Variants in AK9 observed in about 807,000 individuals in gnomAD.
The protein encoded by AK9 is adenylate kinase domain containing 1.
Under a neutral mutation model 239.6 loss-of-function variants are expected in AK9, and 191 were observed. The observed-to-expected ratio is 0.80, with a 90% CI of 0.71 to 0.90. The LOEUF (loss-of-function observed/expected upper bound fraction) is 0.90. Among genes scored for constraint, AK9 ranks in the 40% least tolerant of loss-of-function variants. AK9 has a pLI of 0.00. For synonymous variants in AK9, 689 were observed against 721.0 expected (o/e 0.96, Z 0.71); for missense variants, 1,995 against 2,214.7 (o/e 0.90, Z 1.99).
At chr6:109,571,927 A>G (rs1562429153) in intron 21 of AK9, among the ~76,000 whole-genome samples, 2 of 152,194 alleles carry the variant, frequency 1.3e-5, no homozygotes, top group Admixed American at 6.5e-5. Flanking sequence ...AGTATGTATA[A>G]GAATCACTGG....
At chr6:109,683,567 C>T (rs182364299) in intron 1 of AK9, among the ~76,000 whole-genome samples, 4 of 152,234 alleles carry the variant, frequency 2.6e-5, no homozygotes, top group Admixed American at 6.5e-5. Flanking sequence ...GATACAAAAT[C>T]GATGTGCAAA....
chr6:109,594,722 C>A (rs1790779902), intron 17 of AK9, among the ~76,000 whole-genome samples: 1 of 152,156 alleles, frequency 6.6e-6, no homozygotes, highest in African/African-American at 2.4e-5. Flanking sequence ...CTACAACCAA[C>A]TGATCTTTGA....
chr6:109,519,440 T>A (rs540618862), intron 29 of AK9, among the ~76,000 whole-genome samples: 1 of 152,242 alleles, frequency 6.6e-6, no homozygotes, highest in East Asian at 1.9e-4. Flanking sequence ...CTCAAGAGTG[T>A]ATAAGTATTC....
intron 5 of AK9, among the ~76,000 whole-genome samples, chr6:109,669,584 GT>G (rs1183483144): frequency 6.6e-6 from 1 of 152,128 alleles, no homozygotes; most frequent in Non-Finnish European, 1.5e-5. Context: ...TTTATTGAGA[GT>G]TTTTAGCATG....
chr6:109,572,211 A>T (rs1415003043), intron 21 of AK9, among the ~76,000 whole-genome samples: 1 of 152,210 alleles, frequency 6.6e-6, no homozygotes, highest in Non-Finnish European at 1.5e-5. Context: ...GTGGAAAGGC[A>T]GTATGGTAGA....
intron 10 of AK9, among the ~76,000 whole-genome samples, chr6:109,640,463 G>T (rs537296601): frequency 6.6e-6 from 1 of 152,242 alleles, no homozygotes; most frequent in East Asian, 1.9e-4. Context: ...GTCCCAATGA[G>T]ATGAACCAGG....
intron 23 of AK9, 129 bp downstream of exon 23, chr6:109,563,950 AT>A: frequency 9.2e-7 from 1 of 1,089,570 alleles, no homozygotes; most frequent in South Asian, 1.7e-5. Context: ...GTTGCTAAGT[AT>A]TTTATACATC....
chr6:109,681,612 G>C (rs2128352992), intron 1 of AK9, among the ~76,000 whole-genome samples: 1 of 152,266 alleles, frequency 6.6e-6, no homozygotes, highest in Non-Finnish European at 1.5e-5. Flanking sequence ...GACATCTACA[G>C]AACTGTCCAC....
intron 29 of AK9, among the ~76,000 whole-genome samples, chr6:109,526,439 A>G (rs941712724): frequency 1.3e-5 from 2 of 152,138 alleles, no homozygotes; most frequent in African/African-American, 4.8e-5. Context: ...CAGAGGGGAC[A>G]AGCAGAAAGC....
chr6:109,532,488 A>G (rs923615931), intron 28 of AK9, among the ~76,000 whole-genome samples: 15 of 152,296 alleles, frequency 9.8e-5, no homozygotes, highest in African/African-American at 3.6e-4. Context: ...TGTCATGTAA[A>G]TGGAATTGTA....
In AK9 at chr6:109,659,297, C is replaced by G. The variant is rs749469065; in HGVS notation, c.561G>C (p.Lys187Asn). 13 of 1,605,594 alleles carry G rather than the reference C, an allele frequency of 8.1e-6. No homozygotes were observed. The highest frequency in any genetic ancestry group is 8.5e-6 in the Non-Finnish European group (10 of 1,177,718). The change falls in exon 7 of 41, where the codon AAG (lysine) becomes AAC (asparagine). Residue 187 changes from lysine (K) to asparagine (N), a missense_variant. Lys to Asn is a moderately conservative substitution (Grantham distance 94). Around this residue, in one of 5 missense-constraint regions of AK9, gnomAD observed 252 missense variants for 246.4 expected, o/e 1.02. Coordinates refer to ENST00000424296, the MANE Select transcript of AK9 (RefSeq NM_001145128.3). ...TTCCGTCCTTTTGGGCTTCTTTCTT[C>G]TTTTTCCTATGATTCTCAATGACTT... ...DPEVIENHRK[K>N]KKEAQKDGKG...
chr6:109,542,256 G>C, intron 26 of AK9, 85 bp from the exon 27 acceptor site: 1 of 1,299,080 alleles, frequency 7.7e-7, no homozygotes, highest in Non-Finnish European at 1.0e-6. Context: ...GAAAGTTAAA[G>C]AGGAGGACCT....
In AK9 at chr6:109,549,907, G is replaced by A. The variant is rs954151468; in HGVS notation, c.2964+183C>T. 1,034 of 504,858 alleles carry A rather than the reference G, an allele frequency of 2.0e-3. 8 individuals carry two copies. The highest frequency in any genetic ancestry group is 3.0e-3 in the Non-Finnish European group (887 of 292,948). 31.3% of individuals were successfully genotyped at this position (504,858 alleles called of 1,614,324 possible). On this transcript the variant is annotated intron_variant, in intron 25 of 40. Transcript: ENST00000424296. ...TCTCGATCTCCTGACCTCGTGATCC[G>A]CCCGTCTCGGCCTCCCAAAGTGCTG...
chr6:109,496,319 C>T (rs1050411915), intron 38 of AK9, among the ~76,000 whole-genome samples: 4 of 152,198 alleles, frequency 2.6e-5, no homozygotes, highest in Non-Finnish European at 5.9e-5. Flanking sequence ...GTCTTCACAC[C>T]CAGCCTGCTT....
intron 5 of AK9, among the ~76,000 whole-genome samples, 181 bp downstream of exon 5, chr6:109,671,737 TG>T (rs34393084): frequency 0.35 from 52,529 of 151,942 alleles, 9,530 homozygotes; most frequent in South Asian, 0.44. Context: ...TTAAAACAAA[TG>T]TACAATCTGA....
chr6:109,618,450 T>G (rs1304616844), intron 13 of AK9, among the ~76,000 whole-genome samples: 1 of 150,616 alleles, frequency 6.6e-6, no homozygotes, highest in Non-Finnish European at 1.5e-5. Flanking sequence ...ACAAAACGCT[T>G]TTTGTCTATT....
rs556710058 is a variant in AK9 at position 109,582,665 on chromosome 6, C to G, written c.2114+2458G>C. Among the ~76,000 whole-genome samples, 4 of 152,052 alleles carry G rather than the reference C, an allele frequency of 2.6e-5. No individual in the cohort carries two copies. The East Asian group carries it at 7.7e-4, about 29-fold the overall frequency. On this transcript the variant is annotated intron_variant, in intron 19 of 40. Coordinates refer to ENST00000424296, the MANE Select transcript of AK9 (RefSeq NM_001145128.3). ...GCTGTGAATACTGTTGAAATTACAA[C>G]AAAAAATTTAGAATACCACATAAAC... is the stretch of plus-strand genomic sequence containing the variant.
chr6:109,667,465 C>T (rs140999066), intron 5 of AK9, among the ~76,000 whole-genome samples: 5,438 of 152,032 alleles, frequency 0.036, 323 homozygotes, highest in African/African-American at 0.13. Context: ...AGGTTTGTTA[C>T]GTATGTATAT....
intron 6 of AK9, among the ~76,000 whole-genome samples, chr6:109,662,005 G>A (rs541281241): frequency 1.3e-5 from 2 of 152,244 alleles, no homozygotes; most frequent in East Asian, 3.9e-4. Flanking sequence ...ATACATTCAT[G>A]TCATGTGTCT....
Sources: gnomAD v4.1 joint callset for allele counts (sites outside exome capture counted in the v4.1 genomes callset) on GRCh38, gnomAD v4.1.1 for gene constraint, gnomAD v4.1.1 regional missense constraint, MANE v1.5 for transcripts, NCBI Gene and HGNC (gene_info 2026-07-23, HGNC 2026-07-21) for gene names.